Variants in TBCD observed in about 807,000 individuals in gnomAD.
TBCD encodes the protein tubulin-specific chaperone D.
In TBCD, 105 loss-of-function variants were observed where a neutral mutation model predicts 169.3. That is an observed-to-expected ratio of 0.62 (90% CI 0.53 to 0.73). The LOEUF (loss-of-function observed/expected upper bound fraction) is 0.73, where lower values mean the gene tolerates loss of function less well. Ranked by LOEUF, TBCD falls within the 30% of genes least tolerant of loss-of-function variation. The pLI is 0.00. For synonymous variants in TBCD, 700 were observed against 643.9 expected (o/e 1.09, Z -1.32); for missense variants, 1,444 against 1,600.1 (o/e 0.90, Z 1.66).
intron 28 of TBCD, 30 bp downstream of exon 28, chr17:82,926,521 G>A (rs368566339): frequency 8.1e-5 from 130 of 1,598,284 alleles, no homozygotes; most frequent in South Asian, 3.0e-4. Context: ...CCCTAAAGTC[G>A]TAAGTCTCTG....
In TBCD at chr17:82,903,712, C is replaced by T. The variant is rs548419554; in HGVS notation, c.1804+234C>T. On this transcript the variant is annotated intron_variant, in intron 19 of 38. Coordinates refer to ENST00000355528, the MANE Select transcript of TBCD (RefSeq NM_005993.5). The surrounding 1 kb of genome is among the most constrained non-coding windows in gnomAD (Gnocchi z 4.8). Reference sequence around the variant, plus strand: ...GAACTGTGTTACGTACACCGGAGCCCGTGATGGTCCCGCCGGATGCCTGAC... The same window carrying T: ...GAACTGTGTTACGTACACCGGAGCCTGTGATGGTCCCGCCGGATGCCTGAC... 8.4e-4 allele frequency among the ~76,000 whole-genome samples: 128 copies of T among 152,214 alleles called. No individual in the cohort carries two copies. Among genetic ancestry groups the T allele is most frequent in the African/African-American group, 2.9e-3 (122 of 41,484 alleles).
intron 13 of TBCD, among the ~76,000 whole-genome samples, chr17:82,827,966 C>G (rs958908050): frequency 1.3e-5 from 2 of 148,212 alleles, no homozygotes; most frequent in African/African-American, 2.5e-5. Flanking sequence ...CATACACTCA[C>G]AGATACGCAC....
chr17:82,801,631 AGC>A (rs1568155702), intron 9 of TBCD, among the ~76,000 whole-genome samples: 21 of 78,486 alleles, frequency 2.7e-4, no homozygotes, highest in South Asian at 8.7e-4. Flanking sequence ...GCTCAGAGTC[AGC>A]GTGGCAGGAG....
At chr17:82,900,132 G>A (rs544405956) in intron 17 of TBCD, among the ~76,000 whole-genome samples, 2 of 152,278 alleles carry the variant, frequency 1.3e-5, no homozygotes, top group Admixed American at 6.5e-5. Flanking sequence ...TGTGTGTGAC[G>A]GAGGCCTGAG....
At chr17:82,905,141 G>A (rs1340328950) in intron 19 of TBCD, among the ~76,000 whole-genome samples, 1 of 152,184 alleles carries the variant, frequency 6.6e-6, no homozygotes, top group African/African-American at 2.4e-5. Flanking sequence ...CAGAGTAGAG[G>A]CACCACCCCT....
At chr17:82,912,130 C>T (rs115089935) in intron 23 of TBCD, among the ~76,000 whole-genome samples, 1,567 of 151,858 alleles carry the variant, frequency 0.01, 31 homozygotes, top group African/African-American at 0.034. Context: ...CAGATCCCTC[C>T]GAGCACGGCC....
At chr17:82,764,717 C>G (rs1156357046) in intron 3 of TBCD, among the ~76,000 whole-genome samples, 15 of 152,230 alleles carry the variant, frequency 9.9e-5, no homozygotes. Context: ...AGATTTTGAG[C>G]AAGTAGGTCT....
chr17:82,794,323 C>G (rs1040416997), intron 7 of TBCD, among the ~76,000 whole-genome samples: 1 of 152,128 alleles, frequency 6.6e-6, no homozygotes, highest in Non-Finnish European at 1.5e-5. Context: ...AAAGGTGGGG[C>G]GGGTTAGGAT....
At chr17:82,939,595 A>G (rs749977370) in intron 37 of TBCD, 119 bp downstream of exon 37, 35 of 782,132 alleles carry the variant, frequency 4.5e-5, no homozygotes, top group Non-Finnish European at 6.9e-5. Flanking sequence ...GAGGGTTCCC[A>G]GGTCTCCACA....
chr17:82,855,468 A>C (rs1174763018), intron 13 of TBCD, among the ~76,000 whole-genome samples: 1 of 151,216 alleles, frequency 6.6e-6, no homozygotes, highest in Non-Finnish European at 1.5e-5. Context: ...GGATCTCACT[A>C]TGTTGCCCAG....
rs2061632829 is a variant in TBCD at position 82,924,990 on chromosome 17, C to T, written c.2312C>T (p.Thr771Ile). Residue 771 changes from threonine (T) to isoleucine (I), a missense_variant, in exon 27 of 39, where the codon ACT becomes ATT. Coordinates refer to ENST00000355528, the MANE Select transcript of TBCD (RefSeq NM_005993.5). ...LAELRNPEEMTRCGFSLALGA... is the reference protein window; with the variant it reads ...LAELRNPEEMIRCGFSLALGA... ...GAGCTTCGGAACCCCGAGGAGATGA[C>T]TCGCTGTGGCTTCTCGTTGGCCTTG... The T allele has an allele frequency of 1.9e-6, 3 of 1,575,460 alleles. No individual in the cohort carries two copies. The highest frequency in any genetic ancestry group is 1.3e-5 in the African/African-American group (1 of 74,142).
At position 82,870,178 on chromosome 17, in the gene TBCD, C is replaced by G. The variant is rs761522362; in HGVS notation, c.1319-46C>G. 7 of 1,609,872 alleles carry G rather than the reference C, an allele frequency of 4.3e-6. No homozygotes were observed. In the South Asian group the frequency reaches 7.7e-5, roughly 18 times the overall value. Reference sequence around the variant, plus strand: ...CACTTCTCTGAAGCCTCACGTGTTGCCCGTGTGGTCTGCTCCTCACCGTCT... The same window carrying G: ...CACTTCTCTGAAGCCTCACGTGTTGGCCGTGTGGTCTGCTCCTCACCGTCT... On this transcript the variant is annotated intron_variant, in intron 13 of 38. Coordinates refer to ENST00000355528, the MANE Select transcript of TBCD (RefSeq NM_005993.5).
At chr17:82,871,506 C>G (rs1191308122) in intron 14 of TBCD, among the ~76,000 whole-genome samples, 1 of 152,258 alleles carries the variant, frequency 6.6e-6, no homozygotes, top group East Asian at 1.9e-4. Context: ...ACTAGGGAAA[C>G]TGACTTCAGA....
chr17:82,843,490 C>G (rs2054723728), intron 13 of TBCD, among the ~76,000 whole-genome samples: 1 of 120,648 alleles, frequency 8.3e-6, no homozygotes, highest in Middle Eastern at 4.0e-3. Flanking sequence ...CCCTTCCCTT[C>G]CCCTCACCAT....
At chr17:82,756,000 GGTGGCCTGT>G (rs1452585612) in intron 1 of TBCD, among the ~76,000 whole-genome samples, 156 bp from the exon 2 acceptor site, 1 of 152,136 alleles carries the variant, frequency 6.6e-6, no homozygotes, top group Non-Finnish European at 1.5e-5. Flanking sequence ...ATTCCCTCCA[GGTGGCCTGT>G]GTGGCCTCCT....
chr17:82,887,131 C>CTCTGTG (rs1555632222), intron 15 of TBCD, among the ~76,000 whole-genome samples: 20 of 123,364 alleles, frequency 1.6e-4, no homozygotes, highest in Non-Finnish European at 2.2e-4. Context: ...TACCTGTACT[C>CTCTGTG]TGTGTGTGTG....
chr17:82,899,645 A>G (rs1266063605), intron 17 of TBCD, among the ~76,000 whole-genome samples: 5 of 152,204 alleles, frequency 3.3e-5, no homozygotes, highest in African/African-American at 7.2e-5. Flanking sequence ...GTGTATTTTC[A>G]TTTCTTTCAG....
intron 27 of TBCD, among the ~76,000 whole-genome samples, chr17:82,925,721 TG>T (rs1425149085): frequency 1.3e-5 from 2 of 152,044 alleles, no homozygotes; most frequent in Non-Finnish European, 2.9e-5. Context: ...AACTCGCATG[TG>T]GGGGTTTATC....
chr17:82,792,469 C>G (rs2049813759), intron 7 of TBCD, among the ~76,000 whole-genome samples: 3 of 152,174 alleles, frequency 2.0e-5, no homozygotes. Flanking sequence ...ATGTAGGACT[C>G]TAGTGCGATA....
Sources: gnomAD v4.1 joint callset for allele counts (sites outside exome capture counted in the v4.1 genomes callset) on GRCh38, gnomAD v4.1.1 for gene constraint, Gnocchi (gnomAD v3.1) non-coding constraint, MANE v1.5 for transcripts, NCBI Gene and HGNC (gene_info 2026-07-23, HGNC 2026-07-21) for gene names.